Variants in RNF17 observed in about 807,000 individuals in gnomAD.
RNF17 encodes the protein spermatogenesis associated 23.
Under a neutral mutation model 200.5 loss-of-function variants are expected in RNF17, and 31 were observed. That is an observed-to-expected ratio of 0.15 (90% confidence interval 0.12 to 0.21). RNF17 has a LOEUF of 0.21. RNF17 is among the 10% of genes least tolerant of loss of function. The pLI, the probability that RNF17 is intolerant of heterozygous loss-of-function variation, is 1.00. For missense variants in RNF17, 1,628 were observed against 1,905.1 expected (o/e 0.85, Z 2.71); for synonymous variants, 606 against 637.8 (o/e 0.95, Z 0.75).
In RNF17 at chr13:24,764,276, T is replaced by G. The variant is rs1489758710; in HGVS notation, c.73T>G (p.Trp25Gly). ...GCGAATGGGGAGGAAGAGTCAGCCCTGGGGTGCCGCTGAAATCCAGTGCAC... is the reference window on the plus strand; with the variant it reads ...GCGAATGGGGAGGAAGAGTCAGCCCGGGGGTGCCGCTGAAATCCAGTGCAC... ...YQRMGRKSQP[W>G]GAAEIQCTRC... Residue 25 changes from tryptophan to glycine, a missense_variant, in exon 1 of 36, where the codon TGG (tryptophan) becomes GGG (glycine). By Grantham distance (184) the Trp-to-Gly change is radical. Around this residue, in one of 5 missense-constraint regions of RNF17, gnomAD observed 502 missense variants for 501.7 expected, o/e 1.00. Coordinates refer to ENST00000255324, the MANE Select transcript of RNF17 (RefSeq NM_031277.3). 1 of 1,611,612 alleles carries G rather than the reference T, an allele frequency of 6.2e-7. No individual in the cohort carries two copies. Among genetic ancestry groups the G allele is most frequent in the Admixed American group, 1.7e-5 (1 of 59,964 alleles).
chr13:24,757,900 G>A, the RNF17 span, among the ~76,000 whole-genome samples: 2 of 152,134 alleles, frequency 1.3e-5, no homozygotes, highest in Admixed American at 6.5e-5. Flanking sequence ...CCCAATGTTG[G>A]AGGTGGGGTC....
chr13:24,824,470 T>C, intron 15 of RNF17: 2 of 316,364 alleles, frequency 6.3e-6, no homozygotes, highest in Non-Finnish European at 5.7e-6. Flanking sequence ...AAGAAAAAAA[T>C]TCATTTTTTC....
intron 30 of RNF17, among the ~76,000 whole-genome samples, 181 bp from the exon 31 acceptor site, chr13:24,868,419 G>A (rs1310200657): frequency 3.3e-5 from 4 of 122,120 alleles, no homozygotes; most frequent in East Asian, 5.4e-4. Context: ...GCAGTGAGCC[G>A]AGATCCCGCC....
At chr13:24,785,436 A>G (rs1882977547) in intron 6 of RNF17, among the ~76,000 whole-genome samples, 2 of 152,210 alleles carry the variant, frequency 1.3e-5, no homozygotes, top group Non-Finnish European at 2.9e-5. Context: ...GATACCTTGT[A>G]GGATTTCAAT....
chr13:24,758,123 C>T, the RNF17 span, among the ~76,000 whole-genome samples: 1 of 152,212 alleles, frequency 6.6e-6, no homozygotes, highest in African/African-American at 2.4e-5. Context: ...CCTGCAGAAC[C>T]ATGAGCCAAT....
chr13:24,791,033 T>C (rs541018857), intron 9 of RNF17, among the ~76,000 whole-genome samples: 1 of 152,324 alleles, frequency 6.6e-6, no homozygotes, highest in South Asian at 2.1e-4. Flanking sequence ...CATATTTCTA[T>C]TATCACCAAA....
rs747095608 is a variant in RNF17, at chr13:24,774,835, G to C, written c.248G>C (p.Arg83Thr). The stretch of plus-strand genomic sequence containing the variant: ...AAGGTTGCTACAGCTGTAAATACTA[G>C]ACAACGCTACTACCCAATGGCTGGA... The part of the protein sequence containing the change: ...DCEVATAVNT[R>T]QRYYPMAGYI... The change falls in exon 3 of 36, where the codon AGA (arginine) becomes ACA (threonine). Residue 83 changes from arginine to threonine, a missense_variant. By Grantham distance (71) the Arg-to-Thr change is moderately conservative. Around this residue, in one of 5 missense-constraint regions of RNF17, gnomAD observed 502 missense variants for 501.7 expected, o/e 1.00. Transcript: ENST00000255324. 5.0e-6 allele frequency: 8 copies of C among 1,611,766 alleles called. No individual in the cohort carries two copies. The East Asian group carries it at 1.6e-4, about 31-fold the overall frequency.
chr13:24,796,389 T>G (rs1290780116), intron 11 of RNF17, 94 bp downstream of exon 11: 2 of 811,096 alleles, frequency 2.5e-6, no homozygotes, highest in African/African-American at 3.5e-5. Flanking sequence ...AATATAGATT[T>G]TTGCTCTAAG....
intron 24 of RNF17, among the ~76,000 whole-genome samples, 162 bp from the exon 25 acceptor site, chr13:24,853,688 ATAATT>A (rs1375766681): frequency 6.6e-6 from 1 of 152,184 alleles, no homozygotes; most frequent in East Asian, 1.9e-4. Context: ...CATCAGTCTC[ATAATT>A]TAAAGTAGTT....
chr13:24,767,406 T>C, intron 2 of RNF17, 40 bp downstream of exon 2: 1 of 1,288,210 alleles, frequency 7.8e-7, no homozygotes, highest in Non-Finnish European at 1.1e-6. Context: ...TATCACAACC[T>C]AATGTTAATG....
intron 15 of RNF17, among the ~76,000 whole-genome samples, chr13:24,821,878 T>C (rs1446289): frequency 0.86 from 130,353 of 151,904 alleles, 56,016 homozygotes; most frequent in Middle Eastern, 0.93. Flanking sequence ...AATGAAGCCG[T>C]TTCTTTGTCA....
Position 24,788,175 on chromosome 13 carries a change from A to G in RNF17, c.783+16A>G, listed in dbSNP as rs757642808. The G allele has an allele frequency of 3.2e-6, 5 of 1,554,120 alleles. No homozygotes were observed. Among genetic ancestry groups the G allele is most frequent in the Admixed American group, 2.2e-5 (1 of 45,552 alleles). ...CCTGAATCAGGTAATTTAATAGTTCACAATGTGAGTTATTTCTGTGGTAGC... is the reference window on the plus strand; with the variant it reads ...CCTGAATCAGGTAATTTAATAGTTCGCAATGTGAGTTATTTCTGTGGTAGC... On this transcript the variant is annotated intron_variant, in intron 7 of 35. Coordinates refer to ENST00000255324, the MANE Select transcript of RNF17 (RefSeq NM_031277.3).
Position 24,859,127 on chromosome 13 carries a change from G to A in RNF17, c.3737G>A (p.Arg1246His), listed in dbSNP as rs1358396060. The change falls in exon 26 of 36, where the codon CGT (arginine) becomes CAT (histidine). Residue 1246 changes from arginine to histidine, a missense_variant. Physicochemically the swap from Arg to His is conservative, Grantham distance 29. Coordinates refer to ENST00000255324, the MANE Select transcript of RNF17 (RefSeq NM_031277.3). ...AGAGGATCCGATACTCTGTGGTATC[G>A]TGGCAAGGTGATGGAGGTTGTAGGT... ...AVRGSDTLWY[R>H]GKVMEVVGGA... is the part of the protein sequence containing the mutation. The A allele has an allele frequency of 1.9e-6, 3 of 1,608,766 alleles. No homozygotes were observed. The highest frequency in any genetic ancestry group is 1.7e-6 in the Non-Finnish European group (2 of 1,176,724).
intron 15 of RNF17, among the ~76,000 whole-genome samples, chr13:24,808,003 A>G (rs1351881103): frequency 1.3e-5 from 2 of 151,466 alleles, no homozygotes; most frequent in Admixed American, 6.6e-5. Context: ...CCATTGATCT[A>G]TATCTCTGTT....
At chr13:24,860,733 GT>G (rs905994062) in intron 26 of RNF17, among the ~76,000 whole-genome samples, 6 of 151,398 alleles carry the variant, frequency 4.0e-5, no homozygotes, top group South Asian at 2.1e-4. Flanking sequence ...ATAAAACCCA[GT>G]TTTTTTTCAA....
downstream of RNF17, chr13:24,884,533 A>C: frequency 6.8e-7 from 1 of 1,481,402 alleles, no homozygotes; most frequent in Non-Finnish European, 9.4e-7. Flanking sequence ...TCTCCTCCCA[A>C]CTGCCTACTT....
At chr13:24,881,747 G>A (rs942477306), downstream of RNF17, among the ~76,000 whole-genome samples, 4 of 145,666 alleles carry the variant, frequency 2.7e-5, no homozygotes, top group Admixed American at 6.9e-5. Context: ...TAGATCACTT[G>A]AGGTCAGGAG....
At chr13:24,874,495 C>T (rs748942448) in intron 33 of RNF17, among the ~76,000 whole-genome samples, 41 of 151,524 alleles carry the variant, frequency 2.7e-4, no homozygotes, top group Middle Eastern at 3.4e-3. Flanking sequence ...CTGCAACCTC[C>T]GCCTCCCAGG....
the RNF17 span, among the ~76,000 whole-genome samples, chr13:24,747,836 A>G: frequency 6.6e-6 from 1 of 152,258 alleles, no homozygotes; most frequent in South Asian, 2.1e-4. Flanking sequence ...GAGAAGGTGG[A>G]AGCCGCAGGG....
Sources: gnomAD v4.1 joint callset for allele counts (sites outside exome capture counted in the v4.1 genomes callset) on GRCh38, gnomAD v4.1.1 for gene constraint, gnomAD v4.1.1 regional missense constraint, MANE v1.5 for transcripts, NCBI Gene and HGNC (gene_info 2026-07-23, HGNC 2026-07-21) for gene names.